Variants in ADGRV1 observed in about 807,000 individuals in gnomAD.
ADGRV1 encodes the protein G-protein coupled receptor 98.
ADGRV1 carries 359 observed loss-of-function variants against 596.2 expected under a neutral mutation model. The ratio of observed to expected loss-of-function variants is 0.60; its 90% CI spans 0.55 to 0.66. ADGRV1 has a LOEUF of 0.66. ADGRV1 is among the 30% of genes least tolerant of loss of function. The pLI is 0.00. For synonymous variants in ADGRV1, 2,681 were observed against 2,679.2 expected (o/e 1.00, Z -0.02); for missense variants, 7,274 against 7,575.6 (o/e 0.96, Z 1.48).
intron 86 of ADGRV1, among the ~76,000 whole-genome samples, chr5:91,087,705 G>A (rs1311662293): frequency 4.6e-5 from 7 of 152,102 alleles, no homozygotes; most frequent in East Asian, 1.9e-4. Flanking sequence ...GGAACTGTTC[G>A]AAGTGTTCCA....
chr5:90,782,457 T>C (rs1167750229), intron 65 of ADGRV1, among the ~76,000 whole-genome samples: 1 of 152,140 alleles, frequency 6.6e-6, no homozygotes, highest in Non-Finnish European at 1.5e-5. Context: ...AGTGTATATT[T>C]ATATTTATAA....
intron 85 of ADGRV1, among the ~76,000 whole-genome samples, chr5:91,037,315 A>C (rs150302350): frequency 1.5e-4 from 23 of 152,326 alleles, no homozygotes; most frequent in Admixed American, 5.2e-4. Flanking sequence ...GAGGAAAGCA[A>C]CTGTGTCTGT....
intron 43 of ADGRV1, among the ~76,000 whole-genome samples, chr5:90,719,545 G>A (rs1750632511): frequency 6.6e-6 from 1 of 151,772 alleles, no homozygotes; most frequent in Non-Finnish European, 1.5e-5. Context: ...ATAATGTTTA[G>A]GTCTGTATGG....
intron 78 of ADGRV1, among the ~76,000 whole-genome samples, chr5:90,843,191 A>G (rs954027384): frequency 6.6e-6 from 1 of 152,194 alleles, no homozygotes; most frequent in Admixed American, 6.5e-5. Context: ...AAATGTAAAC[A>G]TGTGAAAATG....
At chr5:91,057,335 G>A (rs1786976100) in intron 85 of ADGRV1, among the ~76,000 whole-genome samples, 1 of 152,212 alleles carries the variant, frequency 6.6e-6, no homozygotes, top group African/African-American at 2.4e-5. Context: ...AAAGGGAAGT[G>A]TTTGAAGATA....
intron 73 of ADGRV1, among the ~76,000 whole-genome samples, chr5:90,809,223 T>C (rs919692956): frequency 2.7e-5 from 4 of 150,124 alleles, no homozygotes; most frequent in Non-Finnish European, 5.9e-5. Context: ...CCCAAAGTGC[T>C]GGGATTACAG....
intron 34 of ADGRV1, among the ~76,000 whole-genome samples, chr5:90,697,718 A>G (rs1205503500): frequency 6.6e-6 from 1 of 152,094 alleles, no homozygotes; most frequent in Non-Finnish European, 1.5e-5. Flanking sequence ...TTAATATTTT[A>G]CATCATATGT....
intron 87 of ADGRV1, among the ~76,000 whole-genome samples, chr5:91,136,290 A>G (rs1018961192): frequency 3.3e-5 from 5 of 152,232 alleles, no homozygotes; most frequent in African/African-American, 1.2e-4. Flanking sequence ...TGGTGAATCA[A>G]AAGAGGTGCC....
At chr5:90,946,330 T>C (rs1227869853) in intron 83 of ADGRV1, among the ~76,000 whole-genome samples, 1 of 152,164 alleles carries the variant, frequency 6.6e-6, no homozygotes, top group East Asian at 1.9e-4. Flanking sequence ...TTAATTACAT[T>C]GTAAGAATCA....
chr5:90,786,869 T>C (rs1459446202), intron 67 of ADGRV1, among the ~76,000 whole-genome samples: 1 of 152,146 alleles, frequency 6.6e-6, no homozygotes, highest in Non-Finnish European at 1.5e-5. Flanking sequence ...GGTGGTCACA[T>C]AGGCAGGGCA....
At position 90,719,133 on chromosome 5, in the gene ADGRV1, C is replaced by G. The variant is rs932187329; in HGVS notation, c.9448-915C>G. Among the ~76,000 whole-genome samples, 63 of 152,042 alleles carry G rather than the reference C, an allele frequency of 4.1e-4. 1 individual carries two copies. The highest frequency in any genetic ancestry group is 1.0e-4 in the Non-Finnish European group (7 of 68,008). On this transcript the variant is annotated intron_variant, in intron 43 of 89. Transcript: ENST00000405460. The stretch of plus-strand genomic sequence containing the variant: ...TCACTTGAGGTCAGGAGTTCGAGAC[C>G]AGCCTGGCCAACATAGTGAAACCCT...
intron 2 of ADGRV1, among the ~76,000 whole-genome samples, chr5:90,616,630 A>G (rs1369678901): frequency 1.3e-5 from 2 of 152,066 alleles, no homozygotes; most frequent in Non-Finnish European, 2.9e-5. Context: ...GTGATATTTT[A>G]ATATTTGTAT....
rs137989195 is a variant in ADGRV1 at position 91,140,420 on chromosome 5, A to G, written c.18433-9610A>G. ...TAATTAAAGGACACTGACCAAAACT[A>G]TGTTTAAGACTACTTATAACAAGAT... On this transcript the variant is annotated intron_variant, in intron 87 of 89. Coordinates refer to ENST00000405460, the MANE Select transcript of ADGRV1 (RefSeq NM_032119.4). Among the ~76,000 whole-genome samples the G allele has an allele frequency of 2.0e-5, 3 of 152,322 alleles. No individual in the cohort carries two copies. In the East Asian group the frequency reaches 5.8e-4, roughly 29 times the overall value.
At chr5:91,017,512 C>T (rs1783271244) in intron 85 of ADGRV1, among the ~76,000 whole-genome samples, 1 of 151,850 alleles carries the variant, frequency 6.6e-6, no homozygotes, top group East Asian at 1.9e-4. Flanking sequence ...GGCATGAATA[C>T]AGGGGGTGAT....
intron 72 of ADGRV1, among the ~76,000 whole-genome samples, chr5:90,806,470 T>C (rs1761912421): frequency 6.6e-6 from 1 of 152,224 alleles, no homozygotes; most frequent in Non-Finnish European, 1.5e-5. Context: ...AGCCCTTTTT[T>C]TCCTGCAGAA....
chr5:90,731,740 A>AATC (rs1203954963), intron 50 of ADGRV1, among the ~76,000 whole-genome samples: 2 of 152,214 alleles, frequency 1.3e-5, no homozygotes, highest in Admixed American at 6.5e-5. Flanking sequence ...CTGTGCCTCA[A>AATC]ATCATCCAGC....
intron 86 of ADGRV1, among the ~76,000 whole-genome samples, chr5:91,077,986 C>T (rs1788996188): frequency 6.6e-6 from 1 of 152,080 alleles, no homozygotes; most frequent in South Asian, 2.1e-4. Flanking sequence ...TACAAATCCC[C>T]TTCTTCTAAA....
In ADGRV1 at chr5:90,563,329, G is replaced by C. The variant is rs994110069; in HGVS notation, c.22+4412G>C. On this transcript the variant is annotated intron_variant, in intron 1 of 89. Transcript: ENST00000405460. Reference sequence around the variant, plus strand: ...CTCTGTCTGAGGCTGTTGAGTGCTAGGTCTTATGTAATCCTTTCCAAGTAG... The same window carrying C: ...CTCTGTCTGAGGCTGTTGAGTGCTACGTCTTATGTAATCCTTTCCAAGTAG... Among the ~76,000 whole-genome samples, 5 of 152,326 alleles carry C rather than the reference G, an allele frequency of 3.3e-5. 1 individual carries two copies. The South Asian group carries it at 1.0e-3, about 32-fold the overall frequency.
intron 36 of ADGRV1, 45 bp downstream of exon 36, chr5:90,704,533 GT>G: frequency 8.4e-7 from 1 of 1,187,610 alleles, no homozygotes; most frequent in Non-Finnish European, 1.2e-6. Flanking sequence ...TATTCTTTTC[GT>G]AAAAGAAAGA....
Sources: allele counts gnomAD v4.1 joint callset (sites outside exome capture counted in the v4.1 genomes callset), GRCh38; gene constraint gnomAD v4.1.1; transcripts MANE v1.5; gene names NCBI Gene and HGNC (gene_info 2026-07-23, HGNC 2026-07-21).